The following AK8 variants were observed in gnomAD, a reference collection of about 807,000 sequenced individuals.
AK8 encodes the protein adenylate kinase 8.
Under a neutral mutation model 54.6 loss-of-function variants are expected in AK8, and 44 were observed. The observed-to-expected ratio is 0.81, with a 90% CI of 0.63 to 1.04. The LOEUF (loss-of-function observed/expected upper bound fraction) is 1.04, where lower values mean the gene tolerates loss of function less well. Among genes scored for constraint, AK8 ranks in the 50% least tolerant of loss-of-function variants. AK8 has a pLI of 0.00. For missense variants in AK8, 555 were observed against 613.6 expected (o/e 0.90, Z 1.01); for synonymous variants, 239 against 245.6 (o/e 0.97, Z 0.25).
At chr9:132,832,929 C>T (rs920319045) in intron 5 of AK8, among the ~76,000 whole-genome samples, 4 of 152,212 alleles carry the variant, frequency 2.6e-5, no homozygotes, top group Non-Finnish European at 5.9e-5. Context: ...CTCTCCAGGT[C>T]TGCTCTGAGC....
chr9:132,759,706 CCT>C (rs1314914395), intron 11 of AK8, among the ~76,000 whole-genome samples: 1 of 152,190 alleles, frequency 6.6e-6, no homozygotes, highest in Non-Finnish European at 1.5e-5. Flanking sequence ...ATCTCTTCCC[CCT>C]GATCCGTGGT....
chr9:132,828,263 CAA>C (rs1308266654), intron 6 of AK8, among the ~76,000 whole-genome samples, 179 bp from the exon 7 acceptor site: 1 of 152,222 alleles, frequency 6.6e-6, no homozygotes, highest in Non-Finnish European at 1.5e-5. Flanking sequence ...CACCCAAACA[CAA>C]AGAGTGTAAC....
intron 10 of AK8, among the ~76,000 whole-genome samples, chr9:132,794,950 C>T (rs1435508711): frequency 1.3e-5 from 2 of 152,250 alleles, no homozygotes; most frequent in Non-Finnish European, 1.5e-5. Flanking sequence ...TTCTGGCACA[C>T]AGCCGACACT....
intron 5 of AK8, among the ~76,000 whole-genome samples, chr9:132,838,121 G>A (rs1228211827): frequency 1.3e-5 from 2 of 152,166 alleles, no homozygotes; most frequent in African/African-American, 2.4e-5. Flanking sequence ...GACACCACAA[G>A]GAGAAATAAA....
At chr9:132,830,443 G>GA (rs1253007213) in intron 5 of AK8, among the ~76,000 whole-genome samples, 2 of 152,192 alleles carry the variant, frequency 1.3e-5, no homozygotes, top group East Asian at 3.9e-4. Context: ...TTATCTAGGG[G>GA]AAAAAAATCT....
intron 11 of AK8, chr9:132,769,046 G>C (rs1053238916): frequency 6.8e-6 from 1 of 147,466 alleles, no homozygotes; most frequent in Admixed American, 6.8e-5. Flanking sequence ...TGGGAGGAGG[G>C]CCAGGGGCAA....
chr9:132,790,717 T>C lies in AK8; in HGVS notation c.1121+1917A>G, dbSNP rs1839912698. 6.6e-6 allele frequency among the ~76,000 whole-genome samples: 1 copy of C among 151,950 alleles called. No homozygotes were observed. Among genetic ancestry groups the C allele is most frequent in the Non-Finnish European group, 1.5e-5 (1 of 68,010 alleles). On this transcript the variant is annotated intron_variant, in intron 11 of 12. Transcript: ENST00000298545. The surrounding 1 kb of genome is among the most constrained non-coding windows in gnomAD (Gnocchi z 4.1). ...ACAAGAGTAAAATGAAAAGTATAAA[T>C]ATTGAAAAGGAAGAGGCAAAAGGAT...
chr9:132,856,604 T>TC (rs1287525348), intron 4 of AK8, among the ~76,000 whole-genome samples: 1 of 152,094 alleles, frequency 6.6e-6, no homozygotes, highest in Non-Finnish European at 1.5e-5. Context: ...CACACCCCAC[T>TC]CCCAGCCACT....
intron 7 of AK8, chr9:132,827,352 C>T (rs1008989579): frequency 1.3e-5 from 6 of 464,564 alleles, no homozygotes; most frequent in African/African-American, 3.9e-5. Context: ...CCCATTTCAT[C>T]TTCACAGCCA....
At chr9:132,869,762 G>A (rs1843735742) in intron 2 of AK8, among the ~76,000 whole-genome samples, 1 of 152,216 alleles carries the variant, frequency 6.6e-6, no homozygotes, top group African/African-American at 2.4e-5. Context: ...CAGGTGAGAG[G>A]ACGAGGTGAG....
In AK8 at chr9:132,768,678, T is replaced by C. The variant is rs115346883; in HGVS notation, c.1121+23956A>G. Among the ~76,000 whole-genome samples the C allele has an allele frequency of 4.5e-3, 678 of 152,344 alleles. 4 individuals are homozygous for C. Among genetic ancestry groups the C allele is most frequent in the African/African-American group, 0.016 (647 of 41,580 alleles). Reference sequence around the variant, plus strand: ...AAATACAAATGCATATGTGTGTGTATATATATGAATGCTAGTTGTTGCATT... The same window carrying C: ...AAATACAAATGCATATGTGTGTGTACATATATGAATGCTAGTTGTTGCATT... On this transcript the variant is annotated intron_variant, in intron 11 of 12. Coordinates refer to ENST00000298545, the MANE Select transcript of AK8 (RefSeq NM_152572.3).
intron 3 of AK8, among the ~76,000 whole-genome samples, chr9:132,866,581 G>A (rs1159644878): frequency 1.3e-5 from 2 of 152,170 alleles, no homozygotes; most frequent in African/African-American, 4.8e-5. Context: ...CCCAGCACGT[G>A]TACTTCTGGA....
Position 132,727,481 on chromosome 9 carries a change from C to T in AK8, c.1175G>A (p.Arg392Lys). Reference sequence around the variant, plus strand: ...TTCCCCAGTGACTGGATCAATTCTTCTCAGAGTCAGCCGCTCCATGATGGA... The same window carrying T: ...TTCCCCAGTGACTGGATCAATTCTTTTCAGAGTCAGCCGCTCCATGATGGA... ...FDSIMERLTLRRIDPVTGERY... is the reference protein window; with the variant it reads ...FDSIMERLTLKRIDPVTGERY... Residue 392 changes from arginine (R) to lysine (K), a missense_variant, in exon 12 of 13, where the codon AGA becomes AAA. By Grantham distance (26) the Arg-to-Lys change is conservative. Transcript: ENST00000298545. 1 of 1,614,116 alleles carries T rather than the reference C, an allele frequency of 6.2e-7. No individual in the cohort carries two copies. Among genetic ancestry groups the T allele is most frequent in the Non-Finnish European group, 8.5e-7 (1 of 1,179,996 alleles).
At position 132,792,692 on chromosome 9, in the gene AK8, C is replaced by G; in HGVS notation, c.1063G>C (p.Val355Leu). The G allele has an allele frequency of 6.4e-7, 1 of 1,556,150 alleles. No individual in the cohort carries two copies. Among genetic ancestry groups the G allele is most frequent in the Non-Finnish European group, 8.7e-7 (1 of 1,150,258 alleles). The change falls in exon 11 of 13, where the codon GTC becomes CTC. Residue 355 changes from valine to leucine, a missense_variant. Physicochemically the swap from Val to Leu is conservative, Grantham distance 32. Transcript: ENST00000298545. ...CIQKGWVLHG[V>L]PRDLDQAHLL... ...TGTGCCTGGTCGAGGTCCCGCGGGA[C>G]GCCGTGTAGCACCCAGCCTTTCTGG...
At chr9:132,782,993 C>G (rs1247317204) in intron 11 of AK8, among the ~76,000 whole-genome samples, 1 of 152,188 alleles carries the variant, frequency 6.6e-6, no homozygotes, top group African/African-American at 2.4e-5. Flanking sequence ...ATGCCTGCCC[C>G]CAACTCCAAG....
Position 132,790,289 on chromosome 9 carries a change from C to G in AK8, c.1121+2345G>C, listed in dbSNP as rs929032119. 6.6e-6 allele frequency among the ~76,000 whole-genome samples: 1 copy of G among 151,366 alleles called. No homozygotes were observed. The highest frequency in any genetic ancestry group is 2.4e-5 in the African/African-American group (1 of 41,108). Reference sequence around the variant, plus strand: ...TTTTTGAGACGGAGTCTCACTCTGTCGCTCAGGCTGGAGCGCAGTGGCGTG... The same window carrying G: ...TTTTTGAGACGGAGTCTCACTCTGTGGCTCAGGCTGGAGCGCAGTGGCGTG... On this transcript the variant is annotated intron_variant, in intron 11 of 12. Coordinates refer to ENST00000298545, the MANE Select transcript of AK8 (RefSeq NM_152572.3). This position sits in a 1 kb window ranked among gnomAD's most constrained non-coding sequence, Gnocchi z 4.1.
At chr9:132,877,939 G>T (rs1478841353) in intron 1 of AK8, 1 of 1,037,412 alleles carries the variant, frequency 9.6e-7, no homozygotes, top group Non-Finnish European at 1.4e-6. Flanking sequence ...GGCTCGAGTG[G>T]CCCCCTTCCT....
intron 5 of AK8, among the ~76,000 whole-genome samples, chr9:132,851,020 C>T (rs766862197): frequency 1.2e-4 from 18 of 152,220 alleles, no homozygotes; most frequent in Non-Finnish European, 2.6e-4. Flanking sequence ...GGCAGCTATT[C>T]GAGGACTCAG....
chr9:132,832,149 A>T (rs1442120820), intron 5 of AK8, among the ~76,000 whole-genome samples: 8 of 63,626 alleles, frequency 1.3e-4, no homozygotes, highest in Non-Finnish European at 2.6e-4. Flanking sequence ...CTGACATTTA[A>T]AAAAAAAAAA....
Sources: gnomAD v4.1 joint callset for allele counts (sites outside exome capture counted in the v4.1 genomes callset) on GRCh38, gnomAD v4.1.1 for gene constraint, Gnocchi (gnomAD v3.1) non-coding constraint, MANE v1.5 for transcripts, NCBI Gene and HGNC (gene_info 2026-07-23, HGNC 2026-07-21) for gene names.